NIPAL2: variants seen among roughly 807,000 people sequenced by gnomAD.
NIPAL2 encodes the protein NIPA like domain containing 2, also known as NIPA-like protein 2.
A neutral mutation model predicts 48.9 loss-of-function variants in NIPAL2; 43 were observed. That is an observed-to-expected ratio of 0.88 (90% CI 0.69 to 1.13). NIPAL2 has a LOEUF of 1.13. Among genes scored for constraint, NIPAL2 ranks in the 50% most tolerant of loss-of-function variants. NIPAL2 has a pLI of 0.00. For missense variants in NIPAL2, 446 were observed against 461.4 expected (o/e 0.97, Z 0.31); for synonymous variants, 167 against 174.6 (o/e 0.96, Z 0.34).
chr8:98,286,189 A>C (rs953785537), intron 1 of NIPAL2, among the ~76,000 whole-genome samples: 1 of 152,146 alleles, frequency 6.6e-6, no homozygotes, highest in Non-Finnish European at 1.5e-5. Flanking sequence ...CAGCCCCTGG[A>C]CCTTGGACTT....
intron 1 of NIPAL2, among the ~76,000 whole-genome samples, chr8:98,257,649 C>T (rs1216652884): frequency 6.6e-6 from 1 of 152,118 alleles, no homozygotes; most frequent in African/African-American, 2.4e-5. Flanking sequence ...TTTTCCAGGT[C>T]TTTTCCCTGA....
At chr8:98,278,397 C>T (rs1238661046) in intron 1 of NIPAL2, among the ~76,000 whole-genome samples, 3 of 152,118 alleles carry the variant, frequency 2.0e-5, no homozygotes, top group Non-Finnish European at 4.4e-5. Context: ...TTTGTTCTCT[C>T]TTTCTTCTCC....
chr8:98,194,380 G>T (rs915755575), intron 10 of NIPAL2, among the ~76,000 whole-genome samples: 2 of 151,876 alleles, frequency 1.3e-5, no homozygotes, highest in Admixed American at 1.3e-4. Context: ...TTTGTCCTTG[G>T]ATGTTCCTTC....
At chr8:98,212,102 TTC>T (rs1563491255) in intron 6 of NIPAL2, among the ~76,000 whole-genome samples, 1 of 152,236 alleles carries the variant, frequency 6.6e-6, no homozygotes, top group Non-Finnish European at 1.5e-5. Context: ...ATTAATTTGT[TTC>T]TCTTTTAAGA....
At chr8:98,276,663 T>C (rs1563549781) in intron 1 of NIPAL2, among the ~76,000 whole-genome samples, 1 of 152,118 alleles carries the variant, frequency 6.6e-6, no homozygotes, top group Non-Finnish European at 1.5e-5. Context: ...TATACCTGCA[T>C]TCCCACTAGC....
chr8:98,233,365 T>TGG (rs1179695514), intron 4 of NIPAL2, among the ~76,000 whole-genome samples: 7 of 152,048 alleles, frequency 4.6e-5, no homozygotes, highest in Non-Finnish European at 1.0e-4. Context: ...TGTGTGTGTG[T>TGG]GTTTTCCCCT....
intron 1 of NIPAL2, among the ~76,000 whole-genome samples, chr8:98,256,085 G>A (rs928018908): frequency 1.2e-4 from 18 of 151,838 alleles, no homozygotes; most frequent in Admixed American, 2.6e-4. Context: ...GCATGACCTC[G>A]GCTCACTGCA....
At chr8:98,244,613 G>GGGCTGTGGTGATGAGAGGGTA (rs1813202733) in intron 3 of NIPAL2, among the ~76,000 whole-genome samples, 1 of 131,636 alleles carries the variant, frequency 7.6e-6, no homozygotes, top group Non-Finnish European at 1.6e-5. Context: ...ATGAGAGGGT[G>GGGCTGTGGTGATGAGAGGGTA]GGCTGTGGTG....
rs559766957 is a variant in NIPAL2 at position 98,272,676 on chromosome 8, A to G, written c.136-18589T>C. Among the ~76,000 whole-genome samples the G allele has an allele frequency of 7.0e-3, 1,054 of 149,804 alleles. 14 individuals carry two copies. The highest frequency in any genetic ancestry group is 0.024 in the African/African-American group (986 of 40,600). On this transcript the variant is annotated intron_variant, in intron 1 of 10. Transcript: ENST00000430223. ...GTCGCCCAGGTTGGAGTGCAGTGGCACAATCTTGGCTCACTGCAATCTCCA... is the reference window on the plus strand; with the variant it reads ...GTCGCCCAGGTTGGAGTGCAGTGGCGCAATCTTGGCTCACTGCAATCTCCA...
chr8:98,227,269 G>A (rs1042201890), intron 4 of NIPAL2, among the ~76,000 whole-genome samples: 1 of 152,088 alleles, frequency 6.6e-6, no homozygotes, highest in African/African-American at 2.4e-5. Context: ...TGGTACCTAA[G>A]CTGCAAGACA....
intron 8 of NIPAL2, among the ~76,000 whole-genome samples, chr8:98,200,369 TG>T (rs1810743774): frequency 6.6e-6 from 1 of 152,212 alleles, no homozygotes; most frequent in Admixed American, 6.5e-5. Context: ...CGCATATAAG[TG>T]GAATCATAGA....
intron 1 of NIPAL2, among the ~76,000 whole-genome samples, chr8:98,257,249 C>T (rs1421302153): frequency 6.6e-6 from 1 of 152,104 alleles, no homozygotes; most frequent in Admixed American, 6.5e-5. Context: ...CAATAAGACA[C>T]CAAATTCCAG....
At chr8:98,260,476 G>A (rs1472341679) in intron 1 of NIPAL2, among the ~76,000 whole-genome samples, 2 of 152,216 alleles carry the variant, frequency 1.3e-5, no homozygotes, top group Non-Finnish European at 2.9e-5. Flanking sequence ...GAAGCGCAAG[G>A]GGTCAGGGAG....
At chr8:98,265,953 TA>T (rs1219004810) in intron 1 of NIPAL2, among the ~76,000 whole-genome samples, 3 of 151,648 alleles carry the variant, frequency 2.0e-5, no homozygotes, top group African/African-American at 7.3e-5. Flanking sequence ...TATGCAGCCA[TA>T]AAAAATGATG....
At chr8:98,256,552 C>T (rs1336690130) in intron 1 of NIPAL2, among the ~76,000 whole-genome samples, 3 of 151,978 alleles carry the variant, frequency 2.0e-5, no homozygotes, top group Non-Finnish European at 4.4e-5. Flanking sequence ...AAAAGATTCT[C>T]AGCATCACTA....
intron 7 of NIPAL2, among the ~76,000 whole-genome samples, chr8:98,204,611 A>T (rs933120070): frequency 6.6e-5 from 10 of 152,040 alleles, no homozygotes; most frequent in African/African-American, 1.7e-4. Context: ...CCGCAATCCC[A>T]TGGATACAAA....
intron 1 of NIPAL2, among the ~76,000 whole-genome samples, chr8:98,291,512 A>G (rs1586504963): frequency 6.6e-6 from 1 of 152,264 alleles, no homozygotes; most frequent in Non-Finnish European, 1.5e-5. Flanking sequence ...CACTTACAAC[A>G]TACTGCCTTG....
Position 98,266,281 on chromosome 8 carries a change from A to AT in NIPAL2, c.136-12195dup, listed in dbSNP as rs1486103851. Among the ~76,000 whole-genome samples the AT allele has an allele frequency of 2.6e-4, 11 of 42,136 alleles. No individual in the cohort carries two copies. In the South Asian group the frequency reaches 3.7e-3, roughly 14 times the overall value. 27.6% of individuals were successfully genotyped at this position (42,136 alleles called of 152,430 possible). ...CATGTACCCTAAAACTTAAAGTATA[A>AT]TAAAAAAAAAAAGAAAATGAAAAAA... On this transcript the variant is annotated intron_variant, in intron 1 of 10. Transcript: ENST00000430223.
intron 1 of NIPAL2, 28 bp downstream of exon 1, chr8:98,293,975 G>A (rs1309849011): frequency 1.3e-5 from 19 of 1,430,676 alleles, no homozygotes; most frequent in Non-Finnish European, 1.7e-5. Context: ...TCCCCACCGG[G>A]CTGCGGTGGC....
Sources: gnomAD v4.1 joint callset for allele counts (sites outside exome capture counted in the v4.1 genomes callset) on GRCh38, gnomAD v4.1.1 for gene constraint, MANE v1.5 for transcripts, NCBI Gene and HGNC (gene_info 2026-07-23, HGNC 2026-07-21) for gene names.